KLHL1: variants seen among roughly 807,000 people sequenced by gnomAD.
KLHL1 encodes kelch like family member 1.
Under a neutral mutation model 77.7 loss-of-function variants are expected in KLHL1, and 47 were observed. The observed-to-expected ratio is 0.60, with a 90% CI of 0.48 to 0.77. KLHL1 has a LOEUF of 0.77. Among genes scored for constraint, KLHL1 ranks in the 30% least tolerant of loss-of-function variants. KLHL1 has a pLI of 0.00. For missense variants in KLHL1, 925 were observed against 910.8 expected (o/e 1.02, Z -0.20); for synonymous variants, 360 against 325.2 (o/e 1.11, Z -1.15).
intron 9 of KLHL1, among the ~76,000 whole-genome samples, chr13:69,719,019 T>C (rs765919993): frequency 2.6e-5 from 4 of 152,168 alleles, no homozygotes; most frequent in African/African-American, 7.2e-5. Context: ...TATTCACTTT[T>C]ATAAATCACT....
intron 7 of KLHL1, among the ~76,000 whole-genome samples, chr13:69,781,320 T>A (rs1227398245): frequency 3.4e-5 from 5 of 145,836 alleles, no homozygotes; most frequent in African/African-American, 5.2e-5. Context: ...AATATCAAGT[T>A]CATGAGAAGG....
intron 7 of KLHL1, among the ~76,000 whole-genome samples, chr13:69,746,299 A>G (rs1874210605): frequency 1.3e-5 from 2 of 151,674 alleles, no homozygotes; most frequent in Non-Finnish European, 3.0e-5. Context: ...TTAGTTCTCT[A>G]TTTTGGCTTA....
chr13:69,812,027 C>T (rs1877903410), intron 6 of KLHL1, among the ~76,000 whole-genome samples: 1 of 152,058 alleles, frequency 6.6e-6, no homozygotes, highest in Non-Finnish European at 1.5e-5. Flanking sequence ...CCTGCTTTCT[C>T]TTGTGGGCGT....
intron 1 of KLHL1, among the ~76,000 whole-genome samples, chr13:69,988,089 T>TG (rs1491451071): frequency 2.8e-4 from 43 of 150,958 alleles, no homozygotes; most frequent in African/African-American, 8.4e-4. Context: ...AGCTTTTTTT[T>TG]GGCGGGGGGA....
intron 4 of KLHL1, among the ~76,000 whole-genome samples, chr13:69,908,927 A>C (rs866978749): frequency 6.7e-6 from 1 of 149,992 alleles, no homozygotes; most frequent in African/African-American, 2.4e-5. Context: ...TAAATATTCT[A>C]TAATACTAAT....
At chr13:69,838,660 T>C (rs1802530718) in intron 6 of KLHL1, among the ~76,000 whole-genome samples, 1 of 151,890 alleles carries the variant, frequency 6.6e-6, no homozygotes, top group African/African-American at 2.4e-5. Context: ...TGCCTTGCAT[T>C]TCACATTTCT....
At chr13:69,999,439 C>A in intron 1 of KLHL1, among the ~76,000 whole-genome samples, 1 of 152,038 alleles carries the variant, frequency 6.6e-6, no homozygotes, top group East Asian at 1.9e-4. Context: ...ATAATACATA[C>A]ATTTTTTGCT....
At chr13:70,001,657 T>TTATCTATCTATC (rs71116972) in intron 1 of KLHL1, among the ~76,000 whole-genome samples, 2,419 of 145,346 alleles carry the variant, frequency 0.017, 29 homozygotes, top group East Asian at 0.038. Flanking sequence ...TATCTATCTA[T>TTATCTATCTATC]TATCTATCTA....
chr13:69,713,060 G>A (rs1875956270), intron 9 of KLHL1, among the ~76,000 whole-genome samples: 1 of 152,060 alleles, frequency 6.6e-6, no homozygotes, highest in Non-Finnish European at 1.5e-5. Context: ...AAATTCCTGG[G>A]CTCAAGTGAT....
In KLHL1 at chr13:69,961,463, C is replaced by G. The variant is rs1353855641; in HGVS notation, c.681-19G>C. On this transcript the variant is annotated intron_variant, in intron 2 of 10. Transcript: ENST00000377844. Reference sequence around the variant, plus strand: ...AACAAGCCTGAAAGAGTCACAGGTTCTAATTTAGGTCGTGAATGTAAGGCA... The same window carrying G: ...AACAAGCCTGAAAGAGTCACAGGTTGTAATTTAGGTCGTGAATGTAAGGCA... 6.2e-7 allele frequency: 1 copy of G among 1,611,842 alleles called. No homozygotes were observed. Among genetic ancestry groups the G allele is most frequent in the South Asian group, 1.1e-5 (1 of 90,972 alleles).
At chr13:70,053,001 A>G (rs752668397) in intron 1 of KLHL1, among the ~76,000 whole-genome samples, 7 of 152,070 alleles carry the variant, frequency 4.6e-5, no homozygotes, top group South Asian at 2.1e-4. Context: ...CAATTGCCAG[A>G]CATCCAAACA....
chr13:69,909,244 G>A (rs1246400259), intron 4 of KLHL1, among the ~76,000 whole-genome samples: 1 of 151,758 alleles, frequency 6.6e-6, no homozygotes, highest in Admixed American at 6.6e-5. Context: ...AATCTTAACT[G>A]CCTCTACTTT....
intron 7 of KLHL1, among the ~76,000 whole-genome samples, chr13:69,747,647 A>G (rs1042080172): frequency 2.0e-5 from 3 of 152,004 alleles, no homozygotes; most frequent in African/African-American, 4.8e-5. Flanking sequence ...AAAATGTTCA[A>G]TAGAATTAGT....
At chr13:70,075,565 A>G (rs2770211) in intron 1 of KLHL1, among the ~76,000 whole-genome samples, 114,147 of 131,972 alleles carry the variant, frequency 0.86, 49,296 homozygotes, top group Middle Eastern at 0.97. Flanking sequence ...GTGTGTGTGT[A>G]TGTGTATATA....
At chr13:69,790,218 C>A (rs1876805278) in intron 7 of KLHL1, among the ~76,000 whole-genome samples, 1 of 151,868 alleles carries the variant, frequency 6.6e-6, no homozygotes, top group African/African-American at 2.4e-5. Flanking sequence ...CTTCAAATAT[C>A]TACTAATAAT....
chr13:69,845,624 C>T (rs867560525), intron 5 of KLHL1, among the ~76,000 whole-genome samples: 84 of 151,546 alleles, frequency 5.5e-4, no homozygotes, highest in African/African-American at 1.6e-3. Flanking sequence ...GACAAAATTT[C>T]AAGTACATTT....
At chr13:69,936,592 C>CAAAAAA (rs57906720) in intron 4 of KLHL1, among the ~76,000 whole-genome samples, 4 of 80,004 alleles carry the variant, frequency 5.0e-5, no homozygotes, top group Middle Eastern at 6.3e-3. Context: ...GACTCCATCT[C>CAAAAAA]AAAAAAAAAA....
chr13:69,963,884 AC>A (rs1884139212), intron 2 of KLHL1, among the ~76,000 whole-genome samples: 1 of 151,928 alleles, frequency 6.6e-6, no homozygotes, highest in African/African-American at 2.4e-5. Flanking sequence ...AAATAAAAAA[AC>A]ATACACAGCT....
At chr13:69,706,348 T>G (rs1012312224) in intron 10 of KLHL1, among the ~76,000 whole-genome samples, 3 of 151,932 alleles carry the variant, frequency 2.0e-5, no homozygotes, top group African/African-American at 7.2e-5. Context: ...AAATTCATAA[T>G]GCAGATACCT....
Sources: gnomAD v4.1 joint callset for allele counts (sites outside exome capture counted in the v4.1 genomes callset) on GRCh38, gnomAD v4.1.1 for gene constraint, MANE v1.5 for transcripts, NCBI Gene and HGNC (gene_info 2026-07-23, HGNC 2026-07-21) for gene names.